CCDC7: variants seen among roughly 807,000 people sequenced by gnomAD.
CCDC7 encodes coiled-coil domain containing 7.
A neutral mutation model predicts 196.9 loss-of-function variants in CCDC7; 183 were observed. The observed-to-expected ratio is 0.93, with a 90% confidence interval of 0.82 to 1.05. The LOEUF is 1.05. Among genes scored for constraint, CCDC7 ranks in the 50% least tolerant of loss-of-function variants. The probability of loss-of-function intolerance (pLI) is 0.00; values close to 1 mark genes in which losing one functional copy is unlikely to be tolerated. For synonymous variants in CCDC7, 525 were observed against 484.6 expected (o/e 1.08, Z -1.10); for missense variants, 1,540 against 1,482.2 (o/e 1.04, Z -0.64).
intron 20 of CCDC7, among the ~76,000 whole-genome samples, chr10:32,642,445 G>A (rs950865332): frequency 9.9e-5 from 15 of 152,190 alleles, no homozygotes; most frequent in African/African-American, 3.1e-4. Flanking sequence ...AGGACCCTCC[G>A]AGCCAGGTGC....
At chr10:32,607,689 G>A (rs2061682143) in intron 18 of CCDC7, among the ~76,000 whole-genome samples, 2 of 152,138 alleles carry the variant, frequency 1.3e-5, no homozygotes, top group African/African-American at 2.4e-5. Flanking sequence ...CTTGATCATG[G>A]TGAATTAACT....
intron 28 of CCDC7, among the ~76,000 whole-genome samples, chr10:32,751,214 A>G (rs1180612643): frequency 1.3e-5 from 2 of 151,706 alleles, no homozygotes; most frequent in Admixed American, 6.6e-5. Flanking sequence ...TCCTCTATTT[A>G]TCTAGTATTT....
In CCDC7 at chr10:32,816,021, G is replaced by A. The variant is rs535990459; in HGVS notation, c.3181+1568G>A. On this transcript the variant is annotated intron_variant, in intron 31 of 41. Coordinates refer to ENST00000639629, the Ensembl canonical transcript of CCDC7. ...AGTGGGTGCAGTGCACCAAGTGTGA[G>A]CTGAAGCAGGGTGAGGCATCACCTC... Among the ~76,000 whole-genome samples the A allele has an allele frequency of 2.0e-5, 3 of 152,322 alleles. No individual in the cohort carries two copies. In the East Asian group the frequency reaches 5.8e-4, roughly 29 times the overall value.
chr10:32,518,506 G>C lies in CCDC7; in HGVS notation c.993+1G>C. ...ACTACAAAAGTTGAAGGACAAAGAG[G>C]TTGGAAAAATTTTAGTGTTTGAAAA... On this transcript the variant is annotated splice_donor_variant, in intron 11 of 41. Transcript: ENST00000639629. LOFTEE classifies it high-confidence loss of function. The C allele has an allele frequency of 6.2e-7, 1 of 1,600,440 alleles. No individual in the cohort carries two copies. The highest frequency in any genetic ancestry group is 8.5e-7 in the Non-Finnish European group (1 of 1,174,538).
chr10:32,629,983 A>T (rs2064616785), intron 18 of CCDC7, among the ~76,000 whole-genome samples: 1 of 152,216 alleles, frequency 6.6e-6, no homozygotes, highest in South Asian at 2.1e-4. Flanking sequence ...CAAGCCAGGA[A>T]GAAAGGCACA....
At chr10:32,698,116 G>C (rs2078033349) in intron 24 of CCDC7, among the ~76,000 whole-genome samples, 1 of 152,134 alleles carries the variant, frequency 6.6e-6, no homozygotes, top group Non-Finnish European at 1.5e-5. Context: ...TAAGGGTCCT[G>C]ACTGTTAGAA....
At chr10:32,871,219 C>A (rs1480049067) in intron 41 of CCDC7, among the ~76,000 whole-genome samples, 4 of 152,102 alleles carry the variant, frequency 2.6e-5, no homozygotes, top group African/African-American at 9.7e-5. Context: ...GGCTGTGAAT[C>A]CATCGGGTCC....
intron 11 of CCDC7, among the ~76,000 whole-genome samples, chr10:32,539,213 G>A (rs1215233888): frequency 6.6e-6 from 1 of 151,908 alleles, no homozygotes; most frequent in Non-Finnish European, 1.5e-5. Flanking sequence ...CAGGGATTCA[G>A]TTTCTTCCTG....
At chr10:32,851,616 G>T (rs560925578) in intron 39 of CCDC7, among the ~76,000 whole-genome samples, 191 bp from the exon 41 acceptor site, 36 of 152,174 alleles carry the variant, frequency 2.4e-4, no homozygotes, top group African/African-American at 8.4e-4. Context: ...CTATCTGGAT[G>T]ACCTGTCTCT....
At position 32,736,595 on chromosome 10, in the gene CCDC7, G is replaced by A. The variant is rs561135806; in HGVS notation, c.2905+7138G>A. Among the ~76,000 whole-genome samples the A allele has an allele frequency of 2.4e-3, 366 of 150,752 alleles. 2 individuals carry two copies. The highest frequency in any genetic ancestry group is 8.5e-3 in the African/African-American group (349 of 40,958). On this transcript the variant is annotated intron_variant, in intron 28 of 41. Coordinates refer to ENST00000639629, the Ensembl canonical transcript of CCDC7. ...GTGATGTTCCCCTTCCTGTGTCCAT[G>A]TGTTCTCATTGTTTAGTTTTCTTTA... is the stretch of plus-strand genomic sequence containing the variant.
chr10:32,802,305 T>C (rs1406737989), intron 29 of CCDC7, among the ~76,000 whole-genome samples: 3 of 152,186 alleles, frequency 2.0e-5, no homozygotes, highest in Non-Finnish European at 4.4e-5. Context: ...ACTAAACTCC[T>C]TGCATCTCTT....
At chr10:32,696,481 G>GT (rs111280727) in intron 24 of CCDC7, among the ~76,000 whole-genome samples, 408 of 145,564 alleles carry the variant, frequency 2.8e-3, no homozygotes, top group African/African-American at 6.0e-3. Context: ...CTTGTTTTCT[G>GT]TTTTTTTTTT....
At chr10:32,578,480 A>C (rs2058438426) in intron 16 of CCDC7, among the ~76,000 whole-genome samples, 1 of 151,520 alleles carries the variant, frequency 6.6e-6, no homozygotes, top group Non-Finnish European at 1.5e-5. Context: ...GTTTTCCTGC[A>C]ACTAGATGGT....
intron 18 of CCDC7, among the ~76,000 whole-genome samples, chr10:32,600,432 C>A (rs1054862148): frequency 1.3e-5 from 2 of 151,906 alleles, no homozygotes; most frequent in South Asian, 2.1e-4. Context: ...TTACTGAATT[C>A]ATTTATCAAA....
chr10:32,523,013 G>T (rs1275286406), intron 11 of CCDC7, among the ~76,000 whole-genome samples: 1 of 151,214 alleles, frequency 6.6e-6, no homozygotes, highest in East Asian at 1.9e-4. Flanking sequence ...TTTCATTGTT[G>T]TCAGGGAAGA....
At chr10:32,471,833 G>C (rs1282647058) in intron 6 of CCDC7, among the ~76,000 whole-genome samples, 1 of 152,152 alleles carries the variant, frequency 6.6e-6, no homozygotes, top group Non-Finnish European at 1.5e-5. Context: ...ATAATGAAGA[G>C]AGTGGTACTT....
intron 18 of CCDC7, among the ~76,000 whole-genome samples, chr10:32,585,004 A>T (rs2059115695): frequency 6.6e-6 from 1 of 151,658 alleles, no homozygotes; most frequent in Non-Finnish European, 1.5e-5. Flanking sequence ...AAGCAAAGAT[A>T]TTTTTTTCTT....
intron 16 of CCDC7, among the ~76,000 whole-genome samples, chr10:32,579,477 A>G (rs1468539092): frequency 1.3e-5 from 2 of 152,172 alleles, no homozygotes; most frequent in Admixed American, 1.3e-4. Context: ...TATATCAATT[A>G]TATAATCTGA....
chr10:32,483,634 A>C (rs1461604198), intron 8 of CCDC7, among the ~76,000 whole-genome samples: 1 of 152,312 alleles, frequency 6.6e-6, no homozygotes, highest in African/African-American at 2.4e-5. Flanking sequence ...TTCAGGTCTA[A>C]CATTTAAGTC....
Sources: gnomAD v4.1 joint callset for allele counts (sites outside exome capture counted in the v4.1 genomes callset) on GRCh38, gnomAD v4.1.1 for gene constraint, MANE v1.5 for transcripts, NCBI Gene and HGNC (gene_info 2026-07-23, HGNC 2026-07-21) for gene names.